Variants in TTC28 observed in about 807,000 individuals in gnomAD.
The protein encoded by TTC28 is tetratricopeptide repeat domain 28.
TTC28 carries 61 observed loss-of-function variants against 198.0 expected under a neutral mutation model. The observed-to-expected ratio is 0.31, with a 90% CI of 0.25 to 0.38. TTC28 has a LOEUF of 0.38. TTC28 is among the 10% of genes least tolerant of loss of function. The probability of loss-of-function intolerance (pLI) is 1.00; values close to 1 mark genes in which losing one functional copy is unlikely to be tolerated. For synonymous variants in TTC28, 1,171 were observed against 1,297.8 expected (o/e 0.90, Z 2.10); for missense variants, 2,678 against 3,164.0 (o/e 0.85, Z 3.69).
In TTC28 at chr22:28,108,146, G is replaced by C. The variant is rs1461435203; in HGVS notation, c.1699C>G (p.Leu567Val). 1.2e-5 allele frequency: 19 copies of C among 1,551,596 alleles called. 1 individual carries two copies. In the South Asian group the frequency reaches 2.3e-4, roughly 18 times the overall value. The change falls in exon 7 of 23, where the codon CTG becomes GTG. Residue 567 changes from leucine (L) to valine (V), a missense_variant. Physicochemically the swap from Leu to Val is conservative, Grantham distance 32. This residue lies in a region of TTC28 where 775 missense variants were observed against 845.9 expected (regional missense o/e 0.92). Coordinates refer to ENST00000397906, the MANE Select transcript of TTC28 (RefSeq NM_001145418.2). ...TGCAGGGCCCGGTCATGGGCACCCA[G>C]GGCCTGGTAGGCCACGGCAAGGTTC... The part of the protein sequence containing the change: ...HGNLAVAYQA[L>V]GAHDRALQHY...
chr22:28,320,098 ATTCTGG>A (rs1356857670), intron 2 of TTC28, among the ~76,000 whole-genome samples: 1 of 151,878 alleles, frequency 6.6e-6, no homozygotes, highest in Non-Finnish European at 1.5e-5. Context: ...TATTTTTTCC[ATTCTGG>A]TTCTGGTCTT....
chr22:28,552,752 TCTCCCTCTCCGC>T lies in TTC28; in HGVS notation c.381+76788_381+76799del, dbSNP rs1286504844. Among the ~76,000 whole-genome samples the T allele has an allele frequency of 1.2e-4, 17 of 142,238 alleles. No homozygotes were observed. The South Asian group carries it at 1.5e-3, about 13-fold the overall frequency. 93.3% of individuals were successfully genotyped at this position (142,238 alleles called of 152,430 possible). A position where few individuals can be genotyped will look rare whatever the true frequency, so the allele number is the denominator to read the frequency against. ...TTCAAGATGGATCAAAGCCTCTCCCTCTCCCTCTCCGCCTCCCCCTCCCCCTCCCCCTCTCCC... is the reference window on the plus strand; with the variant it reads ...TTCAAGATGGATCAAAGCCTCTCCCTCTCCCCCTCCCCCTCCCCCTCTCCC... On this transcript the variant is annotated intron_variant, in intron 2 of 22. Transcript: ENST00000397906.
chr22:28,419,468 T>C (rs936827307), intron 2 of TTC28, among the ~76,000 whole-genome samples: 4 of 152,200 alleles, frequency 2.6e-5, no homozygotes, highest in African/African-American at 4.8e-5. Context: ...CCCTAATTCC[T>C]TGCCCAAAGT....
intron 12 of TTC28, among the ~76,000 whole-genome samples, chr22:28,086,888 C>G (rs1052865356): frequency 7.2e-5 from 11 of 151,872 alleles, no homozygotes; most frequent in Non-Finnish European, 1.3e-4. Flanking sequence ...AACACCTCTA[C>G]GCAAATAAAC....
intron 12 of TTC28, among the ~76,000 whole-genome samples, chr22:28,091,244 A>G (rs1322424441): frequency 1.3e-5 from 2 of 152,270 alleles, no homozygotes; most frequent in African/African-American, 2.4e-5. Context: ...ATGTATTTAA[A>G]GTTCAACCAT....
chr22:28,034,230 G>A (rs747086786), intron 12 of TTC28, among the ~76,000 whole-genome samples: 1 of 152,174 alleles, frequency 6.6e-6, no homozygotes, highest in Non-Finnish European at 1.5e-5. Context: ...ATAACTCGAG[G>A]GAGACAGGGC....
intron 2 of TTC28, among the ~76,000 whole-genome samples, chr22:28,343,576 GCCTAATTCAA>G (rs2045865090): frequency 6.6e-6 from 1 of 151,510 alleles, no homozygotes; most frequent in African/African-American, 2.4e-5. Context: ...AATGTCCTCT[GCCTAATTCAA>G]AAATTTCAAC....
intron 12 of TTC28, among the ~76,000 whole-genome samples, chr22:28,075,148 A>T (rs1020146550): frequency 9.2e-5 from 14 of 152,170 alleles, no homozygotes; most frequent in African/African-American, 3.4e-4. Flanking sequence ...ACATAAAAGG[A>T]GATTCCATTT....
intron 13 of TTC28, among the ~76,000 whole-genome samples, chr22:28,025,757 T>C (rs1938806120): frequency 1.3e-5 from 2 of 152,144 alleles, no homozygotes; most frequent in African/African-American, 4.8e-5. Flanking sequence ...GTGGTCCCTG[T>C]TACTCAGGAG....
intron 5 of TTC28, among the ~76,000 whole-genome samples, chr22:28,168,243 T>A (rs1279408589): frequency 3.3e-5 from 5 of 152,186 alleles, no homozygotes; most frequent in African/African-American, 7.2e-5. Context: ...ATGGCCATAC[T>A]GCCCAAGGTA....
rs1273114434 is a variant in TTC28, at chr22:28,306,530, C to T, written c.495G>A (p.Gly165=). ...GAGATTTCATGGCGGCTTCCACCATCCCCACCAGAAGCTGGAGACTCTTGG... is the reference window on the plus strand; with the variant it reads ...GAGATTTCATGGCGGCTTCCACCATTCCCACCAGAAGCTGGAGACTCTTGG... ...QDPKSLQLLV[G]MVEAAMKSPM... Residue 165 remains glycine, a synonymous_variant, in exon 3 of 23, where the codon GGG becomes GGA. Transcript: ENST00000397906. The T allele has an allele frequency of 6.4e-7, 1 of 1,550,816 alleles. No individual in the cohort carries two copies. Among genetic ancestry groups the T allele is most frequent in the East Asian group, 2.4e-5 (1 of 40,906 alleles).
chr22:28,564,828 A>T (rs1172641849), intron 2 of TTC28, among the ~76,000 whole-genome samples: 1 of 147,776 alleles, frequency 6.8e-6, no homozygotes, highest in East Asian at 1.9e-4. Context: ...ATTTATATAT[A>T]ATTTATAATT....
At chr22:28,389,020 A>G (rs1424617859) in intron 2 of TTC28, among the ~76,000 whole-genome samples, 9 of 151,998 alleles carry the variant, frequency 5.9e-5, no homozygotes, top group East Asian at 1.9e-4. Flanking sequence ...CGTCCCATCA[A>G]TACCTAATTT....
intron 2 of TTC28, among the ~76,000 whole-genome samples, chr22:28,553,614 G>T (rs1419328166): frequency 6.6e-6 from 1 of 151,792 alleles, no homozygotes; most frequent in Non-Finnish European, 1.5e-5. Flanking sequence ...GGGAAGTGAG[G>T]AGCGTCTCCG....
intron 5 of TTC28, among the ~76,000 whole-genome samples, chr22:28,220,136 G>A (rs987963932): frequency 1.3e-5 from 2 of 152,122 alleles, no homozygotes; most frequent in African/African-American, 4.8e-5. Context: ...ATTTCCTTAG[G>A]AATGTTAGTA....
chr22:28,108,562 A>G (rs1432668140), intron 6 of TTC28, among the ~76,000 whole-genome samples, 159 bp from the exon 7 acceptor site: 1 of 152,236 alleles, frequency 6.6e-6, no homozygotes, highest in Non-Finnish European at 1.5e-5. Flanking sequence ...TCAGCTCTCC[A>G]CAGAGAGGAT....
chr22:28,131,152 C>A (rs185807496), intron 6 of TTC28, among the ~76,000 whole-genome samples: 1 of 152,078 alleles, frequency 6.6e-6, no homozygotes. Flanking sequence ...TCCAATAAGG[C>A]CTTTTTTATT....
At chr22:28,634,092 C>T (rs550343800) in intron 1 of TTC28, among the ~76,000 whole-genome samples, 8 of 152,160 alleles carry the variant, frequency 5.3e-5, no homozygotes, top group African/African-American at 1.4e-4. Context: ...CACAAAACAC[C>T]ATCAAATGTT....
Position 28,005,265 on chromosome 22 carries a change from T to C in TTC28, c.4219-3712A>G, listed in dbSNP as rs1436847514. Among the ~76,000 whole-genome samples, 1 of 152,160 alleles carries C rather than the reference T, an allele frequency of 6.6e-6. No homozygotes were observed. The highest frequency in any genetic ancestry group is 1.5e-5 in the Non-Finnish European group (1 of 68,024). On this transcript the variant is annotated intron_variant, in intron 14 of 22. Coordinates refer to ENST00000397906, the MANE Select transcript of TTC28 (RefSeq NM_001145418.2). This position sits in a 1 kb window ranked among gnomAD's most constrained non-coding sequence, Gnocchi z 4.9. ...AGGGAAAAGGGGAAAGACACAGTGC[T>C]GGGCAGGCAGGCCACCATGCACAGC...
Sources: gnomAD v4.1 joint callset for allele counts (sites outside exome capture counted in the v4.1 genomes callset) on GRCh38, gnomAD v4.1.1 for gene constraint, gnomAD v4.1.1 regional missense constraint, Gnocchi (gnomAD v3.1) non-coding constraint, MANE v1.5 for transcripts, NCBI Gene and HGNC (gene_info 2026-07-23, HGNC 2026-07-21) for gene names.